TNKS: variants seen among roughly 807,000 people sequenced by gnomAD.
TNKS encodes the protein poly [ADP-ribose] polymerase tankyrase-1.
In TNKS, 72 loss-of-function variants were observed where a neutral mutation model predicts 135.8. The ratio of observed to expected loss-of-function variants is 0.53; its 90% CI spans 0.44 to 0.64. The LOEUF is 0.64. Among genes scored for constraint, TNKS ranks in the 30% least tolerant of loss-of-function variants. The probability of loss-of-function intolerance (pLI) is 0.00; values close to 1 mark genes in which losing one functional copy is unlikely to be tolerated. For synonymous variants in TNKS, 849 were observed against 649.3 expected (o/e 1.31, Z -4.68); for missense variants, 1,769 against 1,674.0 (o/e 1.06, Z -0.99).
At chr8:9,579,591 C>G (rs1397398917) in intron 1 of TNKS, among the ~76,000 whole-genome samples, 1 of 152,172 alleles carries the variant, frequency 6.6e-6, no homozygotes, top group Admixed American at 6.6e-5. Flanking sequence ...GCCTCAGCCT[C>G]CCAAGTAGGT....
intron 5 of TNKS, 82 bp downstream of exon 5, chr8:9,680,882 A>G: frequency 1.0e-6 from 1 of 976,706 alleles, no homozygotes; most frequent in Non-Finnish European, 1.6e-6. Flanking sequence ...ATAAGCACGT[A>G]TACCTACATG....
Position 9,762,124 on chromosome 8 carries a change from C to T in TNKS, c.3274+488C>T, listed in dbSNP as rs7830503. On this transcript the variant is annotated intron_variant, in intron 21 of 26. Coordinates refer to ENST00000310430, the MANE Select transcript of TNKS (RefSeq NM_003747.3). ...GCTAACATGGTTTTTTACAATCTAACCTTTCTTAACTTGAACTTTCCTCCC... is the reference window on the plus strand; with the variant it reads ...GCTAACATGGTTTTTTACAATCTAATCTTTCTTAACTTGAACTTTCCTCCC... Among the ~76,000 whole-genome samples, 1,305 of 152,286 alleles carry T rather than the reference C, an allele frequency of 8.6e-3. 16 individuals carry two copies. The highest frequency in any genetic ancestry group is 0.03 in the African/African-American group (1,231 of 41,554).
In TNKS at chr8:9,704,703, G is replaced by C; in HGVS notation, c.1148G>C (p.Arg383Pro). ...LHLAAGYNRV[R>P]IVQLLLQHGA... is the part of the protein sequence containing the mutation. ...CTAGCAGCGGGCTACAACAGAGTTC[G>C]AATAGTTCAGCTTCTTCTTCAGCAT... Residue 383 changes from arginine (R) to proline (P), a missense_variant, in exon 6 of 27, where the codon CGA (arginine) becomes CCA (proline). Arg to Pro is a moderately radical substitution (Grantham distance 103). Around this residue, in one of 5 missense-constraint regions of TNKS, gnomAD observed 523 missense variants for 541.0 expected, o/e 0.97. Coordinates refer to ENST00000310430, the MANE Select transcript of TNKS (RefSeq NM_003747.3). 1 of 1,613,424 alleles carries C rather than the reference G, an allele frequency of 6.2e-7. No homozygotes were observed. Among genetic ancestry groups the C allele is most frequent in the Non-Finnish European group, 8.5e-7 (1 of 1,179,534 alleles).
At chr8:9,612,903 A>G (rs956288439) in intron 2 of TNKS, among the ~76,000 whole-genome samples, 2 of 152,234 alleles carry the variant, frequency 1.3e-5, no homozygotes, top group Non-Finnish European at 2.9e-5. Flanking sequence ...AAAGCAAGCT[A>G]GAGAAAAGAA....
intron 3 of TNKS, among the ~76,000 whole-genome samples, chr8:9,651,547 T>A (rs1801148197): frequency 6.6e-6 from 1 of 152,170 alleles, no homozygotes; most frequent in South Asian, 2.1e-4. Context: ...ACTAAATATT[T>A]CTAAAAGGGA....
At chr8:9,662,199 G>T (rs1340326685) in intron 3 of TNKS, among the ~76,000 whole-genome samples, 3 of 152,130 alleles carry the variant, frequency 2.0e-5, no homozygotes, top group East Asian at 1.9e-4. Flanking sequence ...ATTCCTCAGG[G>T]ATCTAGAACT....
chr8:9,568,809 A>G (rs1272388725), intron 1 of TNKS, among the ~76,000 whole-genome samples: 1 of 141,000 alleles, frequency 7.1e-6, no homozygotes, highest in Non-Finnish European at 1.6e-5. Context: ...TTTCTCTTTG[A>G]TTCTGTACCC....
chr8:9,719,781 A>G (rs914994328), intron 11 of TNKS, among the ~76,000 whole-genome samples: 1 of 152,216 alleles, frequency 6.6e-6, no homozygotes, highest in Non-Finnish European at 1.5e-5. Context: ...GCAGTCTCAC[A>G]ACTAGCTAAA....
chr8:9,675,061 A>G (rs894852648), intron 3 of TNKS, among the ~76,000 whole-genome samples: 1 of 152,174 alleles, frequency 6.6e-6, no homozygotes, highest in Admixed American at 6.5e-5. Context: ...TCTGGAGCCC[A>G]TGTTTAAGTA....
At chr8:9,734,796 T>C in intron 15 of TNKS, 69 bp from the exon 16 acceptor site, 1 of 1,330,668 alleles carries the variant, frequency 7.5e-7, no homozygotes, top group Non-Finnish European at 1.0e-6. Context: ...AGTAAATTAA[T>C]TACCTACCTA....
At chr8:9,591,050 A>C (rs890944870) in intron 2 of TNKS, among the ~76,000 whole-genome samples, 3 of 152,190 alleles carry the variant, frequency 2.0e-5, no homozygotes, top group African/African-American at 4.8e-5. Context: ...TTTAGGTCTG[A>C]TGCATTTGGA....
chr8:9,665,759 C>T (rs929015091), intron 3 of TNKS, among the ~76,000 whole-genome samples: 6 of 152,172 alleles, frequency 3.9e-5, no homozygotes, highest in African/African-American at 1.4e-4. Context: ...CTTCAACTCT[C>T]ATGAATTCAC....
chr8:9,764,037 C>G (rs1192710138), intron 22 of TNKS, among the ~76,000 whole-genome samples: 2 of 152,226 alleles, frequency 1.3e-5, no homozygotes, highest in East Asian at 1.9e-4. Context: ...GTCTTACTAC[C>G]TAATTCTCCT....
rs530152237 is a variant in TNKS, at chr8:9,702,943, G to C, written c.1108-1720G>C. Among the ~76,000 whole-genome samples, 3 of 152,260 alleles carry C rather than the reference G, an allele frequency of 2.0e-5. No individual in the cohort carries two copies. The East Asian group carries it at 5.8e-4, about 29-fold the overall frequency. ...AGACAGGAGAATCACTTGAACCCGG[G>C]AGGCGGAGGTGGCAGTGAGCCGAGA... is the stretch of plus-strand genomic sequence containing the variant. On this transcript the variant is annotated intron_variant, in intron 5 of 26. Coordinates refer to ENST00000310430, the MANE Select transcript of TNKS (RefSeq NM_003747.3).
chr8:9,632,647 A>C (rs746381910), intron 3 of TNKS, among the ~76,000 whole-genome samples: 1 of 152,180 alleles, frequency 6.6e-6, no homozygotes, highest in South Asian at 2.1e-4. Flanking sequence ...TCTTTTCTAC[A>C]GGTGCATTTC....
intron 3 of TNKS, among the ~76,000 whole-genome samples, chr8:9,672,654 T>TAAAAAA (rs746763150): frequency 4.7e-5 from 2 of 42,830 alleles, no homozygotes; most frequent in African/African-American, 8.9e-5. Flanking sequence ...ACTGTGATGG[T>TAAAAAA]AAAAAAAAAA....
chr8:9,668,277 G>T (rs1344436591), intron 3 of TNKS, among the ~76,000 whole-genome samples: 1 of 152,130 alleles, frequency 6.6e-6, no homozygotes, highest in Non-Finnish European at 1.5e-5. Flanking sequence ...GAGAAATGAT[G>T]GTTCCTAACC....
At chr8:9,564,323 G>A (rs1174910226) in intron 1 of TNKS, among the ~76,000 whole-genome samples, 4 of 152,064 alleles carry the variant, frequency 2.6e-5, no homozygotes, top group Non-Finnish European at 5.9e-5. Flanking sequence ...GAAATACATT[G>A]GGAGGATAGG....
At position 9,689,873 on chromosome 8, in the gene TNKS, C is replaced by T. The variant is rs1003975807; in HGVS notation, c.1107+9073C>T. Among the ~76,000 whole-genome samples, 5 of 152,114 alleles carry T rather than the reference C, an allele frequency of 3.3e-5. No individual in the cohort carries two copies. The South Asian group carries it at 6.2e-4, about 19-fold the overall frequency. The stretch of plus-strand genomic sequence containing the variant: ...TCCCTCCTATGTAATTATTAAATGC[C>T]GATCAGTGCAAGTGGTTTCTTCTTT... On this transcript the variant is annotated intron_variant, in intron 5 of 26. Transcript: ENST00000310430.
Sources: allele counts gnomAD v4.1 joint callset (sites outside exome capture counted in the v4.1 genomes callset), GRCh38; gene constraint gnomAD v4.1.1; regional missense constraint gnomAD v4.1.1; transcripts MANE v1.5; gene names NCBI Gene and HGNC (gene_info 2026-07-23, HGNC 2026-07-21).